The following SIDT1 variants were observed in gnomAD, a reference collection of about 807,000 sequenced individuals.
The protein encoded by SIDT1 is SID1 transmembrane family member 1, also known as SID1 transmembrane family, member 1.
SIDT1 carries 101 observed loss-of-function variants against 107.5 expected under a neutral mutation model. The ratio of observed to expected loss-of-function variants is 0.94; its 90% CI spans 0.80 to 1.11. The LOEUF (loss-of-function observed/expected upper bound fraction) is 1.11. SIDT1 is among the 50% of genes least tolerant of loss of function. The pLI is 0.00. For missense variants in SIDT1, 1,076 were observed against 1,058.2 expected (o/e 1.02, Z -0.23); for synonymous variants, 395 against 398.2 (o/e 0.99, Z 0.10).
chr3:113,615,467 A>G (rs529274552), intron 19 of SIDT1, among the ~76,000 whole-genome samples: 11 of 152,220 alleles, frequency 7.2e-5, no homozygotes, highest in Non-Finnish European at 1.2e-4. Flanking sequence ...TGTTCATGTA[A>G]CATTATAACA....
intron 1 of SIDT1, among the ~76,000 whole-genome samples, chr3:113,535,547 CTTTAT>C (rs1183805979): frequency 6.6e-6 from 1 of 152,112 alleles, no homozygotes; most frequent in Non-Finnish European, 1.5e-5. Context: ...TTAACATGTC[CTTTAT>C]TTTATGAAAC....
intron 1 of SIDT1, among the ~76,000 whole-genome samples, chr3:113,566,005 G>A (rs539587210): frequency 2.6e-5 from 4 of 152,228 alleles, no homozygotes; most frequent in South Asian, 4.2e-4. Context: ...AAGCACATCC[G>A]TATCCTTCTT....
intron 20 of SIDT1, among the ~76,000 whole-genome samples, chr3:113,617,624 A>G (rs1386445493): frequency 6.6e-6 from 1 of 152,238 alleles, no homozygotes; most frequent in African/African-American, 2.4e-5. Flanking sequence ...GGGTTTATTC[A>G]GGTAAGAATG....
At chr3:113,630,156 G>A (rs551748812), downstream of SIDT1, among the ~76,000 whole-genome samples, 6 of 152,322 alleles carry the variant, frequency 3.9e-5, no homozygotes, top group South Asian at 1.0e-3. Flanking sequence ...TTCAACAGGA[G>A]CGTAACCGGA....
At chr3:113,635,738 GT>G in the SIDT1 span, among the ~76,000 whole-genome samples, 1 of 151,662 alleles carries the variant, frequency 6.6e-6, no homozygotes, top group Non-Finnish European at 1.5e-5. Context: ...GTGGTGGCAG[GT>G]GCCTGTAATC....
intron 1 of SIDT1, among the ~76,000 whole-genome samples, chr3:113,555,476 TCTGA>T (rs912625982): frequency 1.3e-5 from 2 of 152,218 alleles, no homozygotes; most frequent in African/African-American, 4.8e-5. Context: ...GTAGCTAGAA[TCTGA>T]CTGTGCATTT....
intron 1 of SIDT1, among the ~76,000 whole-genome samples, chr3:113,561,711 T>C (rs1178271514): frequency 1.3e-5 from 2 of 152,212 alleles, no homozygotes; most frequent in African/African-American, 4.8e-5. Flanking sequence ...ATTTATATTT[T>C]TAAGTTCTAT....
intron 21 of SIDT1, 141 bp downstream of exon 21, chr3:113,619,867 A>G: frequency 1.4e-6 from 1 of 726,400 alleles, no homozygotes; most frequent in Non-Finnish European, 2.4e-6. Flanking sequence ...ACTCAAAAAA[A>G]GGTAGTAGGA....
intron 19 of SIDT1, among the ~76,000 whole-genome samples, chr3:113,612,668 G>T (rs1243124876): frequency 6.6e-6 from 1 of 152,170 alleles, no homozygotes; most frequent in African/African-American, 2.4e-5. Context: ...AATCTTAGAG[G>T]CAGGACACCT....
intron 1 of SIDT1, among the ~76,000 whole-genome samples, chr3:113,557,668 T>G (rs577173992): frequency 6.6e-6 from 1 of 152,304 alleles, no homozygotes; most frequent in East Asian, 1.9e-4. Context: ...GAGGAAGGTC[T>G]CAGAGGGAGC....
rs562696673 is a variant in SIDT1 at position 113,594,078 on chromosome 3, G to A, written c.1045+1030G>A. Among the ~76,000 whole-genome samples, 51 of 152,330 alleles carry A rather than the reference G, an allele frequency of 3.3e-4. No individual in the cohort carries two copies. In the South Asian group the frequency reaches 0.01, roughly 30 times the overall value. The stretch of plus-strand genomic sequence containing the variant: ...TTAAGTCATACATAGCAGATGTTTA[G>A]GTGTGTGTTTTCCACACTTAAATGA... On this transcript the variant is annotated intron_variant, in intron 10 of 24. Transcript: ENST00000264852.
chr3:113,554,587 T>C (rs975618220), intron 1 of SIDT1, among the ~76,000 whole-genome samples: 7 of 152,170 alleles, frequency 4.6e-5, no homozygotes, highest in South Asian at 2.1e-4. Flanking sequence ...TCTGCCATGA[T>C]TGTGAGGCCT....
intron 1 of SIDT1, among the ~76,000 whole-genome samples, chr3:113,552,601 G>A (rs1335008247): frequency 1.3e-5 from 2 of 152,156 alleles, no homozygotes; most frequent in East Asian, 3.9e-4. Flanking sequence ...AATTATAGCA[G>A]CAGTCATGCC....
At chr3:113,576,362 C>T (rs899114137) in intron 3 of SIDT1, among the ~76,000 whole-genome samples, 40 of 152,200 alleles carry the variant, frequency 2.6e-4, no homozygotes, top group African/African-American at 8.9e-4. Context: ...TGGGGAATTT[C>T]AGCCAACGTG....
intron 1 of SIDT1, among the ~76,000 whole-genome samples, chr3:113,548,002 T>A (rs1399801355): frequency 1.3e-5 from 2 of 152,150 alleles, no homozygotes; most frequent in African/African-American, 4.8e-5. Flanking sequence ...TATGTTGTCC[T>A]GAGTAAAAGC....
At chr3:113,603,580 C>G (rs1030483346) in intron 12 of SIDT1, among the ~76,000 whole-genome samples, 1 of 152,156 alleles carries the variant, frequency 6.6e-6, no homozygotes, top group Admixed American at 6.5e-5. Context: ...GAAGGGGAAA[C>G]GTACAGTTTC....
In SIDT1 at chr3:113,584,690, T is replaced by G; in HGVS notation, c.836-8T>G. 3 of 1,584,888 alleles carry G rather than the reference T, an allele frequency of 1.9e-6. No homozygotes were observed. The highest frequency in any genetic ancestry group is 1.7e-6 in the Non-Finnish European group (2 of 1,165,620). On this transcript the variant is annotated splice_polypyrimidine_tract_variant and splice_region_variant and intron_variant, in intron 7 of 24. Transcript: ENST00000264852. Reference sequence around the variant, plus strand: ...TGCTTTGTTCTTTTTTTATTTTTTTTAAACCAGAAAAGGAAAACCAGACCT... The same window carrying G: ...TGCTTTGTTCTTTTTTTATTTTTTTGAAACCAGAAAAGGAAAACCAGACCT...
intron 3 of SIDT1, among the ~76,000 whole-genome samples, chr3:113,576,463 T>C (rs1942908255): frequency 6.6e-6 from 1 of 152,092 alleles, no homozygotes; most frequent in Non-Finnish European, 1.5e-5. Context: ...CTGTGTTTGG[T>C]AAAAGGTGAC....
chr3:113,538,214 C>A (rs1373311959), intron 1 of SIDT1, among the ~76,000 whole-genome samples: 2 of 152,184 alleles, frequency 1.3e-5, no homozygotes, highest in Non-Finnish European at 2.9e-5. Context: ...GGTGGGGACA[C>A]AAACATTCAA....
Sources: gnomAD v4.1 joint callset for allele counts (sites outside exome capture counted in the v4.1 genomes callset) on GRCh38, gnomAD v4.1.1 for gene constraint, MANE v1.5 for transcripts, NCBI Gene and HGNC (gene_info 2026-07-23, HGNC 2026-07-21) for gene names.